Variants in MGST2 observed in about 807,000 individuals in gnomAD.
MGST2 encodes glutathione peroxidase MGST2.
MGST2 carries 9 observed loss-of-function variants against 16.6 expected under a neutral mutation model. The observed-to-expected ratio is 0.54, with a 90% confidence interval of 0.33 to 0.95. MGST2 has a LOEUF of 0.95. Ranked by LOEUF, MGST2 falls within the 40% of genes least tolerant of loss-of-function variation. The probability of loss-of-function intolerance (pLI) is 0.03; values close to 1 mark genes in which losing one functional copy is unlikely to be tolerated. For synonymous variants in MGST2, 79 were observed against 68.0 expected (o/e 1.16, Z -0.79); for missense variants, 159 against 175.1 (o/e 0.91, Z 0.52).
At chr4:139,679,876 T>G (rs1231450166) in intron 2 of MGST2, among the ~76,000 whole-genome samples, 1 of 122,472 alleles carries the variant, frequency 8.2e-6, no homozygotes, top group African/African-American at 2.6e-5. Flanking sequence ...GGAGCCAGCA[T>G]GTCCCACACC....
downstream of MGST2, among the ~76,000 whole-genome samples, chr4:139,742,081 T>C (rs141441814): frequency 1.3e-5 from 2 of 151,988 alleles, no homozygotes; most frequent in Admixed American, 6.5e-5. Flanking sequence ...CATGGTAACC[T>C]GGATAAAGGA....
intron 2 of MGST2, among the ~76,000 whole-genome samples, chr4:139,690,069 G>A (rs1391292985): frequency 6.6e-6 from 1 of 151,794 alleles, no homozygotes; most frequent in Non-Finnish European, 1.5e-5. Context: ...TTGGCTCACT[G>A]CAGCCTCCGC....
intron 5 of MGST2, among the ~76,000 whole-genome samples, chr4:139,712,131 C>G (rs1727765547): frequency 6.6e-6 from 1 of 152,138 alleles, no homozygotes; most frequent in Non-Finnish European, 1.5e-5. Flanking sequence ...TAAAGTTATT[C>G]CAAGCAAGCT....
downstream of MGST2, chr4:139,704,303 C>T (rs2110910935): frequency 1.0e-6 from 1 of 981,628 alleles, no homozygotes; most frequent in South Asian, 1.5e-5. Flanking sequence ...TGTTTAAGAA[C>T]TGAAATTTGC....
intron 3 of MGST2, chr4:139,698,140 A>G: frequency 6.7e-7 from 1 of 1,500,356 alleles, no homozygotes; most frequent in East Asian, 2.3e-5. Context: ...ATCATAGTGG[A>G]TTCTTAAGCA....
chr4:139,736,127 C>G (rs1015793308), intron 5 of MGST2, among the ~76,000 whole-genome samples: 1 of 152,032 alleles, frequency 6.6e-6, no homozygotes, highest in East Asian at 1.9e-4. Context: ...CACACACACT[C>G]ACTCACTCAC....
chr4:139,729,156 C>CAAAAAAAAAAAAAAAAAAA (rs4057275), intron 5 of MGST2, among the ~76,000 whole-genome samples: 1 of 81,704 alleles, frequency 1.2e-5, no homozygotes, highest in Non-Finnish European at 2.3e-5. Flanking sequence ...GGAACAAAAG[C>CAAAAAAAAAAAAAAAAAAA]AAAAAAAAAA....
intron 1 of MGST2, among the ~76,000 whole-genome samples, chr4:139,674,835 G>A (rs944732010): frequency 6.6e-6 from 1 of 152,168 alleles, no homozygotes; most frequent in African/African-American, 2.4e-5. Context: ...TGGGAGGCAG[G>A]TTTGTCCAAT....
chr4:139,684,392 C>T (rs1731435653), intron 2 of MGST2, among the ~76,000 whole-genome samples: 1 of 152,108 alleles, frequency 6.6e-6, no homozygotes, highest in Non-Finnish European at 1.5e-5. Flanking sequence ...AGGTAAAGAA[C>T]AAAAGAGGAC....
intron 5 of MGST2, among the ~76,000 whole-genome samples, chr4:139,725,080 T>C (rs927467280): frequency 6.6e-6 from 1 of 152,166 alleles, no homozygotes; most frequent in African/African-American, 2.4e-5. Context: ...CTATTAGAGA[T>C]GGAAGGGTTT....
intron 5 of MGST2, among the ~76,000 whole-genome samples, chr4:139,734,075 A>G (rs929295607): frequency 6.6e-6 from 1 of 152,236 alleles, no homozygotes; most frequent in African/African-American, 2.4e-5. Flanking sequence ...ACAGTGGATG[A>G]GAGACACCTA....
chr4:139,719,772 G>C, intron 5 of MGST2: 2 of 1,613,712 alleles, frequency 1.2e-6, no homozygotes, highest in Non-Finnish European at 1.7e-6. Context: ...CCAGCTTGAA[G>C]AGGGTAGCTG....
chr4:139,702,789 A>G (rs75873976), intron 3 of MGST2, among the ~76,000 whole-genome samples: 2,194 of 138,886 alleles, frequency 0.016, 42 homozygotes, highest in African/African-American at 0.053. Context: ...ATTCCTGCCA[A>G]TGATGTGTGC....
chr4:139,682,021 C>T (rs1560741108), intron 2 of MGST2, among the ~76,000 whole-genome samples: 1 of 151,690 alleles, frequency 6.6e-6, no homozygotes. Context: ...CAAGAGCCCC[C>T]TCTCTCTATT....
At chr4:139,669,735 C>T (rs1335934624) in intron 1 of MGST2, among the ~76,000 whole-genome samples, 2 of 152,220 alleles carry the variant, frequency 1.3e-5, no homozygotes, top group Admixed American at 1.3e-4. Context: ...GGCAGATTAA[C>T]AGGAGAAAGG....
At chr4:139,746,161 C>T in the MGST2 span, among the ~76,000 whole-genome samples, 27 of 152,266 alleles carry the variant, frequency 1.8e-4, no homozygotes, top group East Asian at 4.0e-3. Flanking sequence ...AAATCACTCT[C>T]GGTCTTATTG....
At chr4:139,666,226 C>A in intron 1 of MGST2, 149 bp downstream of exon 1, 1 of 799,350 alleles carries the variant, frequency 1.3e-6, no homozygotes, top group Non-Finnish European at 2.1e-6. Context: ...GTCCTCAGAG[C>A]ACAGTCGCCT....
chr4:139,705,227 C>G (rs1727474433), downstream of MGST2, among the ~76,000 whole-genome samples: 2 of 152,128 alleles, frequency 1.3e-5, no homozygotes, highest in Non-Finnish European at 2.9e-5. Context: ...AGATAGGAGT[C>G]AAGCTCAAAT....
chr4:139,702,596 G>GT (rs1560754841), intron 3 of MGST2, among the ~76,000 whole-genome samples: 1 of 152,010 alleles, frequency 6.6e-6, no homozygotes, highest in African/African-American at 2.4e-5. Context: ...CTTCTGGACT[G>GT]TTTCCAGTTT....
Sources: gnomAD v4.1 joint callset for allele counts (sites outside exome capture counted in the v4.1 genomes callset) on GRCh38, gnomAD v4.1.1 for gene constraint, MANE v1.5 for transcripts, NCBI Gene and HGNC (gene_info 2026-07-23, HGNC 2026-07-21) for gene names.